The following EYS variants were observed in gnomAD, a reference collection of about 807,000 sequenced individuals.
EYS encodes protein eyes shut homolog.
Under a neutral mutation model 282.1 loss-of-function variants are expected in EYS, and 250 were observed. The observed-to-expected ratio is 0.89, with a 90% CI of 0.80 to 0.98. The LOEUF (loss-of-function observed/expected upper bound fraction) is 0.98, where lower values mean the gene tolerates loss of function less well. Among genes scored for constraint, EYS ranks in the 50% least tolerant of loss-of-function variants. The probability of loss-of-function intolerance (pLI) is 0.00; values close to 1 mark genes in which losing one functional copy is unlikely to be tolerated. For synonymous variants in EYS, 1,355 were observed against 1,282.9 expected, an observed-to-expected ratio of 1.06 and a Z score of -1.20; for missense variants, 4,016 against 3,709.0, an observed-to-expected ratio of 1.08 and a Z score of -2.15.
chr6:64,836,632 A>C (rs1583208458), intron 19 of EYS, among the ~76,000 whole-genome samples: 1 of 151,716 alleles, frequency 6.6e-6, no homozygotes, highest in East Asian at 1.9e-4. Flanking sequence ...TTTTCTATTG[A>C]AAATAGCAAT....
At chr6:65,100,517 AG>A (rs1409772910) in intron 12 of EYS, among the ~76,000 whole-genome samples, 1 of 140,922 alleles carries the variant, frequency 7.1e-6, no homozygotes, top group Non-Finnish European at 1.6e-5. Context: ...ATGATAACAA[AG>A]ATGTTTGGAA....
chr6:64,681,881 A>G lies in EYS; in HGVS notation c.3444-55636T>C, dbSNP rs149644744. Among the ~76,000 whole-genome samples, 642 of 152,238 alleles carry G rather than the reference A, an allele frequency of 4.2e-3. 7 individuals carry two copies. Among genetic ancestry groups the G allele is most frequent in the African/African-American group, 0.015 (607 of 41,520 alleles). On this transcript the variant is annotated intron_variant, in intron 22 of 42. Coordinates refer to ENST00000503581, the MANE Select transcript of EYS (RefSeq NM_001142800.2). ...ATCATTCTTTTACATTTGTTACACC[A>G]CATGTCTTACATCCTTGGGAATACA... is the stretch of plus-strand genomic sequence containing the variant.
chr6:64,875,448 A>C (rs1766718898), intron 19 of EYS, among the ~76,000 whole-genome samples: 1 of 152,090 alleles, frequency 6.6e-6, no homozygotes, highest in African/African-American at 2.4e-5. Context: ...TTCCTTGTCC[A>C]GCCTCTGATA....
chr6:64,999,770 G>T (rs1021507431), intron 13 of EYS, among the ~76,000 whole-genome samples: 2 of 152,166 alleles, frequency 1.3e-5, no homozygotes, highest in Non-Finnish European at 2.9e-5. Flanking sequence ...GCACTGACAA[G>T]CGCCGGCACG....
At chr6:65,556,686 G>T (rs1768819230) in intron 2 of EYS, among the ~76,000 whole-genome samples, 1 of 151,958 alleles carries the variant, frequency 6.6e-6, no homozygotes, top group Non-Finnish European at 1.5e-5. Flanking sequence ...AGTTCCACGG[G>T]CATTATAAAT....
At chr6:65,255,058 C>A (rs186181962) in intron 12 of EYS, among the ~76,000 whole-genome samples, 1 of 151,374 alleles carries the variant, frequency 6.6e-6, no homozygotes, top group East Asian at 1.9e-4. Context: ...CACAAAAGAC[C>A]CAGAATAGCC....
intron 12 of EYS, among the ~76,000 whole-genome samples, chr6:65,060,976 G>A (rs1452350771): frequency 3.3e-5 from 5 of 151,666 alleles, no homozygotes; most frequent in Non-Finnish European, 5.9e-5. Flanking sequence ...TACTGTATCT[G>A]TAAAGGACAG....
intron 5 of EYS, among the ~76,000 whole-genome samples, chr6:65,475,047 G>T (rs1344950320): frequency 6.6e-6 from 1 of 152,004 alleles, no homozygotes; most frequent in Non-Finnish European, 1.5e-5. Context: ...ATAAAAGTCA[G>T]ATTTTTTCAG....
chr6:65,201,938 C>T (rs1459152012), intron 12 of EYS, among the ~76,000 whole-genome samples: 1 of 151,970 alleles, frequency 6.6e-6, no homozygotes, highest in Non-Finnish European at 1.5e-5. Context: ...CATGGCGAGA[C>T]CCCATTTCTA....
At chr6:64,449,661 A>G (rs894713590) in intron 26 of EYS, among the ~76,000 whole-genome samples, 3 of 152,214 alleles carry the variant, frequency 2.0e-5, no homozygotes, top group Non-Finnish European at 4.4e-5. Context: ...TGATCTCTCC[A>G]CAGAAACTCT....
At chr6:64,957,216 A>C (rs1214390380) in intron 14 of EYS, among the ~76,000 whole-genome samples, 1 of 152,310 alleles carries the variant, frequency 6.6e-6, no homozygotes, top group South Asian at 2.1e-4. Flanking sequence ...TGCAGTACAC[A>C]TGCACAATGG....
chr6:65,044,305 C>T (rs749263491), intron 13 of EYS, among the ~76,000 whole-genome samples: 2 of 149,770 alleles, frequency 1.3e-5, no homozygotes, highest in Admixed American at 1.3e-4. Context: ...ATCATATGTA[C>T]GGTTTGAAAA....
At chr6:65,003,984 T>C (rs1771552579) in intron 13 of EYS, among the ~76,000 whole-genome samples, 1 of 147,412 alleles carries the variant, frequency 6.8e-6, no homozygotes, top group South Asian at 2.2e-4. Flanking sequence ...GTTTCCATCT[T>C]ACTTTTCCCT....
At chr6:64,068,012 G>A (rs977573404) in intron 32 of EYS, among the ~76,000 whole-genome samples, 10 of 152,042 alleles carry the variant, frequency 6.6e-5, no homozygotes, top group African/African-American at 9.7e-5. Flanking sequence ...TATATATCTA[G>A]GAGTTGAATA....
chr6:65,495,191 C>G lies in EYS; in HGVS notation c.220G>C (p.Val74Leu). 1.9e-6 allele frequency: 3 copies of G among 1,614,110 alleles called. No homozygotes were observed. The highest frequency in any genetic ancestry group is 2.5e-6 in the Non-Finnish European group (3 of 1,179,996). Residue 74 changes from valine to leucine, a missense_variant, in exon 4 of 43, where the codon GTT becomes CTT. Physicochemically the swap from Val to Leu is conservative, Grantham distance 32 (BLOSUM62 1). Transcript: ENST00000503581. ...ATTTGCAAAGGGCAAATCTGGGGAACAGCTTGATTGCCTGAAGTATCTATT... is the reference window on the plus strand; with the variant it reads ...ATTTGCAAAGGGCAAATCTGGGGAAGAGCTTGATTGCCTGAAGTATCTATT... ...TKIDTSGNQA[V>L]PQICPLQIQL...
At chr6:64,559,621 A>G (rs1765336344) in intron 26 of EYS, among the ~76,000 whole-genome samples, 1 of 152,136 alleles carries the variant, frequency 6.6e-6, no homozygotes, top group African/African-American at 2.4e-5. Flanking sequence ...TTTTGCAACT[A>G]TCATTAAAAA....
chr6:64,799,008 C>A (rs1048119993), intron 22 of EYS, among the ~76,000 whole-genome samples: 1 of 151,770 alleles, frequency 6.6e-6, no homozygotes, highest in Non-Finnish European at 1.5e-5. Context: ...ACCAGATAAA[C>A]CTCTCCCAAA....
chr6:65,185,461 T>C (rs1765494817), intron 12 of EYS, among the ~76,000 whole-genome samples: 1 of 151,858 alleles, frequency 6.6e-6, no homozygotes, highest in Admixed American at 6.6e-5. Context: ...ATCTATTGCA[T>C]CACATTTGTT....
chr6:64,794,414 A>G (rs887502644), intron 22 of EYS, among the ~76,000 whole-genome samples: 1 of 152,086 alleles, frequency 6.6e-6, no homozygotes, highest in African/African-American at 2.4e-5. Flanking sequence ...TCTTGCTATC[A>G]TGATAGAGTT....
Sources: gnomAD v4.1 joint callset for allele counts (sites outside exome capture counted in the v4.1 genomes callset) on GRCh38, gnomAD v4.1.1 for gene constraint, MANE v1.5 for transcripts, NCBI Gene and HGNC (gene_info 2026-07-23, HGNC 2026-07-21) for gene names.